The following LRFN5 variants were observed in gnomAD, a reference collection of about 807,000 sequenced individuals.
The protein encoded by LRFN5 is leucine rich repeat and fibronectin type III domain containing 5.
In LRFN5, 24 loss-of-function variants were observed where a neutral mutation model predicts 45.6. That is an observed-to-expected ratio of 0.53 (90% CI 0.38 to 0.74). The LOEUF is 0.74. Ranked by LOEUF, LRFN5 falls within the 30% of genes least tolerant of loss-of-function variation. LRFN5 has a pLI of 0.00. For missense variants in LRFN5, 776 were observed against 861.5 expected (o/e 0.90, Z 1.24); for synonymous variants, 340 against 313.8 (o/e 1.08, Z -0.88).
At chr14:41,825,494 G>T (rs998795901) in intron 2 of LRFN5, among the ~76,000 whole-genome samples, 3 of 152,128 alleles carry the variant, frequency 2.0e-5, no homozygotes, top group South Asian at 2.1e-4. Flanking sequence ...GTCCCGAGGG[G>T]CATTCTCTTG....
intron 2 of LRFN5, among the ~76,000 whole-genome samples, chr14:41,773,557 CTT>C (rs1326095556): frequency 1.3e-5 from 2 of 151,990 alleles, no homozygotes; most frequent in Admixed American, 6.6e-5. Context: ...CTCTCTCTCT[CTT>C]TGTCTCTCTC....
At chr14:41,644,924 A>G (rs1166163495) in intron 1 of LRFN5, among the ~76,000 whole-genome samples, 9 of 152,162 alleles carry the variant, frequency 5.9e-5, no homozygotes, top group Admixed American at 5.9e-4. Context: ...TCTAAATTAA[A>G]ACATGGTTTC....
chr14:41,770,551 C>A (rs1201697687), intron 2 of LRFN5, among the ~76,000 whole-genome samples: 4 of 152,164 alleles, frequency 2.6e-5, no homozygotes, highest in African/African-American at 9.7e-5. Context: ...AGACCCTGTA[C>A]AACTCTGAAA....
At chr14:41,815,154 T>C (rs1046557174) in intron 2 of LRFN5, among the ~76,000 whole-genome samples, 3 of 152,192 alleles carry the variant, frequency 2.0e-5, no homozygotes, top group African/African-American at 7.2e-5. Flanking sequence ...TCTCCAACTA[T>C]AATAATGAAT....
chr14:41,810,547 T>C (rs1161307258), intron 2 of LRFN5, among the ~76,000 whole-genome samples: 1 of 152,052 alleles, frequency 6.6e-6, no homozygotes. Context: ...AATAGGAGAA[T>C]AGTTTTTCAT....
chr14:41,872,912 ATACACAAAAGTATATATGATAGTT>A (rs948097314), intron 2 of LRFN5, among the ~76,000 whole-genome samples: 3 of 152,250 alleles, frequency 2.0e-5, no homozygotes, highest in African/African-American at 7.2e-5. Context: ...ATAGATTTGC[ATACACAAAAGTATATATGATAGTT>A]TATTCTGTTT....
chr14:41,862,805 C>T (rs1489947233), intron 2 of LRFN5, among the ~76,000 whole-genome samples: 5 of 150,056 alleles, frequency 3.3e-5, no homozygotes, highest in African/African-American at 1.2e-4. Context: ...ACTACCTCTT[C>T]ATATGTATAT....
intron 2 of LRFN5, among the ~76,000 whole-genome samples, chr14:41,818,504 A>AAC (rs149071051): frequency 8.6e-5 from 13 of 150,416 alleles, no homozygotes; most frequent in East Asian, 7.8e-4. Flanking sequence ...CACACACACA[A>AAC]ACACACACAC....
intron 1 of LRFN5, among the ~76,000 whole-genome samples, chr14:41,735,685 C>T (rs906362902): frequency 2.6e-5 from 4 of 151,976 alleles, no homozygotes; most frequent in African/African-American, 7.3e-5. Flanking sequence ...ATACAAGTGC[C>T]GTGGTGATAA....
chr14:41,674,495 G>T (rs1418520536), intron 1 of LRFN5, among the ~76,000 whole-genome samples: 26 of 146,040 alleles, frequency 1.8e-4, no homozygotes, highest in African/African-American at 6.6e-4. Context: ...GTGGCTGGCC[G>T]GGCGGGGGGC....
At chr14:41,683,234 A>G (rs971212548) in intron 1 of LRFN5, among the ~76,000 whole-genome samples, 1 of 152,216 alleles carries the variant, frequency 6.6e-6, no homozygotes, top group African/African-American at 2.4e-5. Context: ...GATCATTTCA[A>G]TTGATGCTGA....
chr14:41,728,110 G>T lies in LRFN5; in HGVS notation c.-196-38744G>T, dbSNP rs1305526067. On this transcript the variant is annotated intron_variant, in intron 1 of 5. Coordinates refer to ENST00000298119, the MANE Select transcript of LRFN5 (RefSeq NM_152447.5). ...TTTGGCAATATCACTCCTGTTGGGG[G>T]TGGTTTCCAAAATCTAAAGGGCTGT... Among the ~76,000 whole-genome samples the T allele has an allele frequency of 2.0e-5, 3 of 152,188 alleles. No individual in the cohort carries two copies. In the East Asian group the frequency reaches 5.8e-4, roughly 29 times the overall value.
At chr14:41,888,040 T>TA in intron 3 of LRFN5, 30 bp downstream of exon 3, 1 of 1,505,746 alleles carries the variant, frequency 6.6e-7, no homozygotes, top group African/African-American at 1.4e-5. Context: ...TTTGTATACT[T>TA]ACCATGCATC....
At position 41,887,794 on chromosome 14, in the gene LRFN5, C is replaced by T. The variant is rs769987617; in HGVS notation, c.1169C>T (p.Pro390Leu). ...LLNSTNHIHEPDPGSSDISTS... is the reference protein window; with the variant it reads ...LLNSTNHIHELDPGSSDISTS... ...AATAGTACAAACCATATCCATGAGC[C>T]TGATCCTGGTTCTTCAGATATCTCA... The change falls in exon 3 of 6, where the codon CCT becomes CTT. Residue 390 changes from proline (P) to leucine (L), a missense_variant. Around this residue, in one of 2 missense-constraint regions of LRFN5, gnomAD observed 465 missense variants for 456.4 expected, o/e 1.02. Transcript: ENST00000298119. The surrounding 1 kb of genome is among the most constrained non-coding windows in gnomAD (Gnocchi z 4.8). 19 of 1,613,764 alleles carry T rather than the reference C, an allele frequency of 1.2e-5. No individual in the cohort carries two copies. Among genetic ancestry groups the T allele is most frequent in the Non-Finnish European group, 1.6e-5 (19 of 1,179,928 alleles).
intron 5 of LRFN5, among the ~76,000 whole-genome samples, chr14:41,902,920 A>G (rs1474240625): frequency 1.3e-5 from 2 of 151,716 alleles, no homozygotes; most frequent in Non-Finnish European, 3.0e-5. Context: ...TTAGTAATAT[A>G]TACCATTACA....
chr14:41,855,807 T>C (rs1405955544), intron 2 of LRFN5, among the ~76,000 whole-genome samples: 4 of 152,158 alleles, frequency 2.6e-5, no homozygotes, highest in Non-Finnish European at 5.9e-5. Flanking sequence ...TGCAAAACTG[T>C]TTTACCTCTT....
At chr14:41,628,559 G>T (rs1489311466) in intron 1 of LRFN5, among the ~76,000 whole-genome samples, 1 of 151,992 alleles carries the variant, frequency 6.6e-6, no homozygotes, top group Non-Finnish European at 1.5e-5. Flanking sequence ...AGCCATGATT[G>T]TGTCACTGCA....
At chr14:41,610,925 T>C (rs1046093845) in intron 1 of LRFN5, among the ~76,000 whole-genome samples, 3 of 152,052 alleles carry the variant, frequency 2.0e-5, no homozygotes, top group Admixed American at 6.5e-5. Flanking sequence ...AGTATTGATA[T>C]CATACTTACA....
chr14:41,832,779 TG>T (rs1888530547), intron 2 of LRFN5, among the ~76,000 whole-genome samples: 2 of 152,204 alleles, frequency 1.3e-5, no homozygotes, highest in South Asian at 4.1e-4. Context: ...TTTTTCAAAA[TG>T]CCGTTCTACT....
Sources: allele counts gnomAD v4.1 joint callset (sites outside exome capture counted in the v4.1 genomes callset), GRCh38; gene constraint gnomAD v4.1.1; regional missense constraint gnomAD v4.1.1; non-coding constraint Gnocchi (gnomAD v3.1); transcripts MANE v1.5; gene names NCBI Gene and HGNC (gene_info 2026-07-23, HGNC 2026-07-21).